CDK12: variants seen among roughly 807,000 people sequenced by gnomAD.
The protein encoded by CDK12 is cyclin dependent kinase 12.
In CDK12, 17 loss-of-function variants were observed where a neutral mutation model predicts 133.8. That is an observed-to-expected ratio of 0.13 (90% CI 0.09 to 0.19). The LOEUF is 0.19. Among genes scored for constraint, CDK12 ranks in the 10% least tolerant of loss-of-function variants. CDK12 has a pLI of 1.00. For synonymous variants in CDK12, 694 were observed against 683.6 expected (o/e 1.02, Z -0.24); for missense variants, 1,508 against 1,818.7 (o/e 0.83, Z 3.11).
rs2054988892 is a variant in CDK12, at chr17:39,533,562, A to G, written c.*2246A>G. ...TATATTTCATTGTATTTTGGTTATCAGCAGTCATCAATAATGTTTTTCCCT... is the reference window on the plus strand; with the variant it reads ...TATATTTCATTGTATTTTGGTTATCGGCAGTCATCAATAATGTTTTTCCCT... On this transcript the variant is annotated 3_prime_UTR_variant, in exon 14 of 14. Transcript: ENST00000447079. 1 of 233,122 alleles carries G rather than the reference A, an allele frequency of 4.3e-6. No homozygotes were observed. Among genetic ancestry groups the G allele is most frequent in the East Asian group, 6.0e-5 (1 of 16,694 alleles). 14.4% of individuals were successfully genotyped at this position (233,122 alleles called of 1,614,324 possible).
intron 1 of CDK12, among the ~76,000 whole-genome samples, chr17:39,467,200 A>G (rs950534372): frequency 4.6e-5 from 7 of 151,610 alleles, no homozygotes; most frequent in African/African-American, 1.5e-4. Flanking sequence ...GATGGTCTTG[A>G]TCTCTTGACC....
chr17:39,493,963 T>C (rs113472956), intron 4 of CDK12, among the ~76,000 whole-genome samples: 5,103 of 152,106 alleles, frequency 0.034, 147 homozygotes, highest in African/African-American at 0.074. Context: ...GCCAGTGCCC[T>C]GCAGCCTGGG....
rs2146845264 is a variant in CDK12, at chr17:39,531,094, G to A, written c.4251G>A (p.Gly1417=). The change falls in exon 14 of 14, where the codon GGG becomes GGA. Residue 1417 remains glycine, a synonymous_variant. Transcript: ENST00000447079. The part of the protein sequence containing the change: ...RVPLALHPVV[G]QPFLKAEGSS... ...CCTTAGCGTTACACCCGGTGGTCGG[G>A]CAACCATTCCTGAAGGCTGAGGGAA... is the stretch of plus-strand genomic sequence containing the variant. 6.3e-7 allele frequency: 1 copy of A among 1,592,966 alleles called. No homozygotes were observed. Among genetic ancestry groups the A allele is most frequent in the African/African-American group, 1.3e-5 (1 of 74,114 alleles).
At chr17:39,528,737 C>A (rs55660616) in intron 13 of CDK12, among the ~76,000 whole-genome samples, 96,102 of 152,168 alleles carry the variant, frequency 0.63, 33,029 homozygotes, top group South Asian at 0.89. Flanking sequence ...ATAAAAGGCA[C>A]AGTTTGAATA....
intron 2 of CDK12, among the ~76,000 whole-genome samples, chr17:39,490,239 C>T (rs1490942311): frequency 1.3e-5 from 2 of 151,596 alleles, no homozygotes; most frequent in Non-Finnish European, 2.9e-5. Flanking sequence ...TGGTGGCACA[C>T]GCCTGTAATC....
chr17:39,525,301 T>A (rs774048288), intron 12 of CDK12, among the ~76,000 whole-genome samples: 1 of 152,226 alleles, frequency 6.6e-6, no homozygotes, highest in Non-Finnish European at 1.5e-5. Flanking sequence ...TTCTATAGAC[T>A]GTTATTTTGA....
rs114862872 is a variant in CDK12, at chr17:39,531,483, C to T, written c.*167C>T. On this transcript the variant is annotated 3_prime_UTR_variant, in exon 14 of 14. Coordinates refer to ENST00000447079, the MANE Select transcript of CDK12 (RefSeq NM_016507.4). ...TCACTTGCTACTAGCAGGCGACTTA[C>T]GAAATAATGATGTTGGCACCAGTTC... is the stretch of plus-strand genomic sequence containing the variant. 4 of 560,218 alleles carry T rather than the reference C, an allele frequency of 7.1e-6. No individual in the cohort carries two copies. Among genetic ancestry groups the T allele is most frequent in the East Asian group, 6.7e-5 (2 of 30,018 alleles). The allele number at this position is 560,218 out of a possible 1,614,324, so 34.7% of individuals were successfully genotyped here. A position where few individuals can be genotyped will look rare whatever the true frequency, so the allele number is the denominator to read the frequency against.
chr17:39,538,588 A>G (rs1330815202), downstream of CDK12, among the ~76,000 whole-genome samples: 1 of 152,210 alleles, frequency 6.6e-6, no homozygotes, highest in Non-Finnish European at 1.5e-5. Context: ...AGGCTAAGGG[A>G]TAGAATGAAT....
intron 2 of CDK12, among the ~76,000 whole-genome samples, chr17:39,485,291 T>G (rs1301282243): frequency 1.3e-5 from 2 of 151,330 alleles, no homozygotes; most frequent in Non-Finnish European, 2.9e-5. Context: ...AACAAAAATA[T>G]GAAACACAGA....
rs1254432003 is a variant in CDK12 at position 39,491,995 on chromosome 17, C to T, written c.2109-756C>T. Among the ~76,000 whole-genome samples, 7 of 138,884 alleles carry T rather than the reference C, an allele frequency of 5.0e-5. No homozygotes were observed. In the South Asian group the frequency reaches 8.9e-4, roughly 18 times the overall value. The allele number at this position is 138,884 out of a possible 152,430, so 91.1% of individuals were successfully genotyped here. A position where few individuals can be genotyped will look rare whatever the true frequency, so the allele number is the denominator to read the frequency against. Reference sequence around the variant, plus strand: ...TACAAAAATTAGCTGGGCGGGGTGGCGCCTGCCTGTAGAGTACTAAAAAAA... The same window carrying T: ...TACAAAAATTAGCTGGGCGGGGTGGTGCCTGCCTGTAGAGTACTAAAAAAA... On this transcript the variant is annotated intron_variant, in intron 3 of 13. Coordinates refer to ENST00000447079, the MANE Select transcript of CDK12 (RefSeq NM_016507.4).
intron 2 of CDK12, among the ~76,000 whole-genome samples, chr17:39,484,018 A>AT (rs1306880997): frequency 7.2e-5 from 11 of 151,876 alleles, no homozygotes; most frequent in African/African-American, 2.7e-4. Flanking sequence ...AAGTTTTTGT[A>AT]TTTTTAGAAG....
At chr17:39,504,879 C>CAAAAA (rs141083545) in intron 6 of CDK12, among the ~76,000 whole-genome samples, 641 of 42,000 alleles carry the variant, frequency 0.015, 65 homozygotes, top group Middle Eastern at 0.062. Flanking sequence ...GACCCTGTCT[C>CAAAAA]AAAAAAAAAA....
intron 4 of CDK12, among the ~76,000 whole-genome samples, 192 bp from the exon 5 acceptor site, chr17:39,494,332 C>T (rs2051896258): frequency 6.6e-6 from 1 of 152,162 alleles, no homozygotes; most frequent in Non-Finnish European, 1.5e-5. Flanking sequence ...CTTGGCCTCC[C>T]AAAGTGTTGG....
At chr17:39,501,044 T>C (rs940378449) in intron 5 of CDK12, among the ~76,000 whole-genome samples, 7 of 152,066 alleles carry the variant, frequency 4.6e-5, no homozygotes, top group African/African-American at 1.7e-4. Context: ...CCACAGAAGA[T>C]TAATTCAAAT....
At chr17:39,483,688 C>CAATT (rs985228801) in intron 2 of CDK12, among the ~76,000 whole-genome samples, 2 of 145,856 alleles carry the variant, frequency 1.4e-5, no homozygotes, top group African/African-American at 5.3e-5. Context: ...TAAACAGTTA[C>CAATT]AATTTATTTA....
intron 11 of CDK12, among the ~76,000 whole-genome samples, chr17:39,523,493 A>G (rs1158673670): frequency 6.6e-6 from 1 of 152,132 alleles, no homozygotes; most frequent in Non-Finnish European, 1.5e-5. Flanking sequence ...AAAGAAAAAA[A>G]AAGTATTTTA....
At chr17:39,527,942 GTC>G (rs529322856) in intron 13 of CDK12, among the ~76,000 whole-genome samples, 6 of 151,812 alleles carry the variant, frequency 4.0e-5, no homozygotes, top group African/African-American at 7.3e-5. Flanking sequence ...TTGAGACAGA[GTC>G]TCTCTCTGTC....
chr17:39,461,617 C>T lies in CDK12; in HGVS notation c.-455C>T, dbSNP rs1184350096. 1.1e-5 allele frequency: 3 copies of T among 268,750 alleles called. No individual in the cohort carries two copies. The highest frequency in any genetic ancestry group is 6.5e-5 in the African/African-American group (3 of 46,148). The allele number at this position is 268,750 out of a possible 1,614,324, so 16.6% of individuals were successfully genotyped here. On this transcript the variant is annotated 5_prime_UTR_variant, in exon 1 of 14. Coordinates refer to ENST00000447079, the MANE Select transcript of CDK12 (RefSeq NM_016507.4). ...CGAGGGACAAAGGGGGCGTGAGGCA[C>T]CTAGGCCGCGGCACCCCGGCGACAG...
chr17:39,466,137 G>A (rs1166316250), intron 1 of CDK12, among the ~76,000 whole-genome samples: 4 of 150,628 alleles, frequency 2.7e-5, no homozygotes, highest in Non-Finnish European at 4.4e-5. Context: ...GTGAAACCCC[G>A]TCCCTACTAA....
Sources: gnomAD v4.1 joint callset for allele counts (sites outside exome capture counted in the v4.1 genomes callset) on GRCh38, gnomAD v4.1.1 for gene constraint, MANE v1.5 for transcripts, NCBI Gene and HGNC (gene_info 2026-07-23, HGNC 2026-07-21) for gene names.